The following ROBO1 variants were observed in gnomAD, a reference collection of about 807,000 sequenced individuals.
ROBO1 encodes roundabout guidance receptor 1.
ROBO1 carries 149 observed loss-of-function variants against 195.9 expected under a neutral mutation model. The observed-to-expected ratio is 0.76, with a 90% confidence interval of 0.67 to 0.87. The LOEUF (loss-of-function observed/expected upper bound fraction) is 0.87, where lower values mean the gene tolerates loss of function less well. Ranked by LOEUF, ROBO1 falls within the 40% of genes least tolerant of loss-of-function variation. The pLI, the probability that ROBO1 is intolerant of heterozygous loss-of-function variation, is 0.00. For synonymous variants in ROBO1, 816 were observed against 733.2 expected (o/e 1.11, Z -1.82); for missense variants, 1,933 against 2,068.3 (o/e 0.93, Z 1.27).
intron 1 of ROBO1, among the ~76,000 whole-genome samples, chr3:79,630,239 T>C (rs1300335125): frequency 6.6e-6 from 1 of 152,052 alleles, no homozygotes; most frequent in East Asian, 1.9e-4. Flanking sequence ...GCAAACATGC[T>C]GTACCAAATG....
chr3:78,746,824 T>C lies in ROBO1; in HGVS notation c.576A>G (p.Gln192=), dbSNP rs1198847418. 1.9e-6 allele frequency: 3 copies of C among 1,604,052 alleles called. No individual in the cohort carries two copies. Among genetic ancestry groups the C allele is most frequent in the African/African-American group, 1.3e-5 (1 of 74,910 alleles). Residue 192 remains glutamine (Q), a synonymous_variant, in exon 5 of 31, where the codon CAA becomes CAG. Transcript: ENST00000464233. ...AVGEPAVMEC[Q]PPRGHPEPTI... Reference sequence around the variant, plus strand: ...TGGGCTCAGGATGGCCTCGTGGAGGTTGGCATTCCATTACTGCAGGCTCTC... The same window carrying C: ...TGGGCTCAGGATGGCCTCGTGGAGGCTGGCATTCCATTACTGCAGGCTCTC...
At chr3:78,690,204 A>ATGAT (rs902134490) in intron 8 of ROBO1, among the ~76,000 whole-genome samples, 33 of 151,614 alleles carry the variant, frequency 2.2e-4, no homozygotes, top group African/African-American at 7.5e-4. Flanking sequence ...AAACGACTTG[A>ATGAT]TGATTGCATG....
intron 23 of ROBO1, among the ~76,000 whole-genome samples, chr3:78,634,265 G>T (rs1458548177): frequency 1.3e-5 from 2 of 151,198 alleles, no homozygotes; most frequent in African/African-American, 4.9e-5. Context: ...ATATCAATAT[G>T]ATTTTAATAA....
chr3:78,730,590 A>C (rs2082264002), intron 5 of ROBO1, among the ~76,000 whole-genome samples: 1 of 152,284 alleles, frequency 6.6e-6, no homozygotes, highest in East Asian at 1.9e-4. Context: ...AAGGAGAAAA[A>C]GAAGAGCTTG....
At chr3:78,906,305 G>A (rs2037914319) in intron 4 of ROBO1, among the ~76,000 whole-genome samples, 1 of 152,118 alleles carries the variant, frequency 6.6e-6, no homozygotes. Flanking sequence ...TGCCTCATCT[G>A]TGAGCCACCT....
chr3:79,351,748 A>G (rs947662695), intron 2 of ROBO1, among the ~76,000 whole-genome samples: 1 of 152,132 alleles, frequency 6.6e-6, no homozygotes, highest in East Asian at 1.9e-4. Context: ...CTGACTATCC[A>G]GTGAATTTTC....
intron 29 of ROBO1, among the ~76,000 whole-genome samples, chr3:78,600,980 A>G (rs1008193297): frequency 6.6e-6 from 1 of 152,112 alleles, no homozygotes; most frequent in African/African-American, 2.4e-5. Flanking sequence ...GCTAACTTCA[A>G]TAAGCAAGCC....
chr3:78,605,000 C>T (rs990742065), intron 29 of ROBO1, among the ~76,000 whole-genome samples: 5 of 152,162 alleles, frequency 3.3e-5, no homozygotes. Context: ...CCCAAGATTT[C>T]CTCCTCATCC....
intron 2 of ROBO1, among the ~76,000 whole-genome samples, chr3:79,396,337 A>G (rs1403929912): frequency 6.6e-6 from 1 of 152,076 alleles, no homozygotes; most frequent in Non-Finnish European, 1.5e-5. Flanking sequence ...AAATTTCCTG[A>G]ATTTTAACAT....
rs537348580 is a variant in ROBO1, at chr3:78,651,258, G to T, written c.2812+474C>A. ...AAGCAACAGTACATCACTCAGTCAG[G>T]CCTTCCATATTCACCAAGAAAGGAG... On this transcript the variant is annotated intron_variant, in intron 19 of 30. Transcript: ENST00000464233. Among the ~76,000 whole-genome samples, 139 of 152,192 alleles carry T rather than the reference G, an allele frequency of 9.1e-4. 1 individual carries two copies. The South Asian group carries it at 0.028, about 31-fold the overall frequency.
intron 4 of ROBO1, among the ~76,000 whole-genome samples, chr3:78,893,648 G>A (rs1420066649): frequency 6.6e-6 from 1 of 152,104 alleles, no homozygotes; most frequent in Non-Finnish European, 1.5e-5. Context: ...AGATTTTAAT[G>A]AGGAAATAAC....
chr3:79,519,803 C>T (rs1163269845), intron 2 of ROBO1, among the ~76,000 whole-genome samples: 2 of 151,874 alleles, frequency 1.3e-5, no homozygotes, highest in Admixed American at 6.6e-5. Context: ...TTACAATCCT[C>T]CTCTAGGCAA....
At chr3:78,755,190 C>T (rs575187982) in intron 4 of ROBO1, among the ~76,000 whole-genome samples, 1 of 152,306 alleles carries the variant, frequency 6.6e-6, no homozygotes, top group East Asian at 1.9e-4. Context: ...GACGTGGAGG[C>T]CAGGTGTGGT....
chr3:79,336,811 G>T (rs762593490), intron 2 of ROBO1, among the ~76,000 whole-genome samples: 18 of 152,198 alleles, frequency 1.2e-4, no homozygotes, highest in Non-Finnish European at 1.2e-4. Context: ...GCAGCTGGAA[G>T]GGGGGCTGTA....
intron 2 of ROBO1, among the ~76,000 whole-genome samples, chr3:79,440,258 G>A (rs976464957): frequency 6.6e-6 from 1 of 152,004 alleles, no homozygotes; most frequent in African/African-American, 2.4e-5. Flanking sequence ...GTCATGAAAA[G>A]GTTTCTGATC....
chr3:78,844,675 T>C (rs546212443), intron 4 of ROBO1, among the ~76,000 whole-genome samples: 2 of 152,204 alleles, frequency 1.3e-5, no homozygotes, highest in East Asian at 1.9e-4. Flanking sequence ...AATATAAACA[T>C]AAATATAACA....
intron 2 of ROBO1, among the ~76,000 whole-genome samples, chr3:79,212,694 C>T (rs2081986202): frequency 6.6e-6 from 1 of 152,020 alleles, no homozygotes. Context: ...GTGGCAGACA[C>T]CTGCAGTCCC....
chr3:79,379,853 G>T (rs1294389633), intron 2 of ROBO1, among the ~76,000 whole-genome samples: 1 of 152,152 alleles, frequency 6.6e-6, no homozygotes, highest in Non-Finnish European at 1.5e-5. Context: ...GACACACTGA[G>T]ACCAGAGCAC....
At chr3:78,760,856 A>C (rs1266363231) in intron 4 of ROBO1, among the ~76,000 whole-genome samples, 3 of 152,032 alleles carry the variant, frequency 2.0e-5, no homozygotes, top group Non-Finnish European at 4.4e-5. Flanking sequence ...TGCGTGGGTT[A>C]GTCTTGAACT....
Sources: gnomAD v4.1 joint callset for allele counts (sites outside exome capture counted in the v4.1 genomes callset) on GRCh38, gnomAD v4.1.1 for gene constraint, MANE v1.5 for transcripts, NCBI Gene and HGNC (gene_info 2026-07-23, HGNC 2026-07-21) for gene names.